INPP4B: variants seen among roughly 807,000 people sequenced by gnomAD.
INPP4B encodes the protein inositol polyphosphate 4-phosphatase type II.
Under a neutral mutation model 122.5 loss-of-function variants are expected in INPP4B, and 55 were observed. The ratio of observed to expected loss-of-function variants is 0.45; its 90% CI spans 0.36 to 0.56. The LOEUF (loss-of-function observed/expected upper bound fraction) is 0.56. Ranked by LOEUF, INPP4B falls within the 20% of genes least tolerant of loss-of-function variation. The probability of loss-of-function intolerance (pLI) is 0.00; values close to 1 mark genes in which losing one functional copy is unlikely to be tolerated. For synonymous variants in INPP4B, 403 were observed against 388.7 expected (o/e 1.04, Z -0.43); for missense variants, 1,000 against 1,097.7 (o/e 0.91, Z 1.26).
At chr4:142,035,383 C>T (rs868218792) in intron 25 of INPP4B, among the ~76,000 whole-genome samples, 5 of 152,070 alleles carry the variant, frequency 3.3e-5, no homozygotes, top group Non-Finnish European at 5.9e-5. Context: ...TGCTGTGAGC[C>T]GAGATATTTT....
At chr4:142,321,612 C>A (rs1179944112) in intron 7 of INPP4B, among the ~76,000 whole-genome samples, 1 of 152,060 alleles carries the variant, frequency 6.6e-6, no homozygotes, top group Non-Finnish European at 1.5e-5. Context: ...TGTATGAGGT[C>A]AGAGATAAGG....
At chr4:142,512,407 T>C (rs1824842907) in intron 2 of INPP4B, among the ~76,000 whole-genome samples, 1 of 152,160 alleles carries the variant, frequency 6.6e-6, no homozygotes, top group Admixed American at 6.6e-5. Flanking sequence ...ACTAAAACAT[T>C]AGTAATACAT....
chr4:142,413,222 T>C (rs1310184787), intron 5 of INPP4B, among the ~76,000 whole-genome samples: 1 of 152,144 alleles, frequency 6.6e-6, no homozygotes, highest in Non-Finnish European at 1.5e-5. Context: ...TAAAAATTAA[T>C]GTCCCAAATT....
intron 12 of INPP4B, among the ~76,000 whole-genome samples, chr4:142,228,190 T>C (rs1043323989): frequency 6.6e-6 from 1 of 151,936 alleles, no homozygotes; most frequent in Admixed American, 6.6e-5. Flanking sequence ...CAGCATGCAG[T>C]CCATGCAGGA....
chr4:142,580,163 A>C (rs1734765489), intron 2 of INPP4B, among the ~76,000 whole-genome samples: 1 of 151,580 alleles, frequency 6.6e-6, no homozygotes, highest in Non-Finnish European at 1.5e-5. Flanking sequence ...GTGGTTAAGA[A>C]AGTAGGCCCC....
intron 2 of INPP4B, among the ~76,000 whole-genome samples, chr4:142,518,449 A>G (rs1825684636): frequency 2.6e-5 from 4 of 152,276 alleles, no homozygotes; most frequent in Admixed American, 6.5e-5. Context: ...TATAATTAAG[A>G]TACAGCAGTT....
At chr4:142,239,032 G>A (rs1857944207) in intron 11 of INPP4B, among the ~76,000 whole-genome samples, 1 of 152,060 alleles carries the variant, frequency 6.6e-6, no homozygotes, top group Non-Finnish European at 1.5e-5. Flanking sequence ...ACTGAACATG[G>A]TATGTCGGCT....
chr4:142,554,470 A>C (rs936451578), intron 2 of INPP4B, among the ~76,000 whole-genome samples: 1 of 151,960 alleles, frequency 6.6e-6, no homozygotes, highest in African/African-American at 2.4e-5. Flanking sequence ...AACTCTGCTC[A>C]TGTCACACCC....
chr4:142,337,809 T>G (rs1166125470), intron 7 of INPP4B, among the ~76,000 whole-genome samples: 1 of 134,578 alleles, frequency 7.4e-6, no homozygotes, highest in Admixed American at 7.5e-5. Context: ...GAATCTTAGT[T>G]CTTTGCAATT....
intron 9 of INPP4B, 66 bp from the exon 10 acceptor site, chr4:142,270,840 C>T: frequency 9.4e-7 from 1 of 1,060,908 alleles, no homozygotes. Flanking sequence ...ATATCCAAAA[C>T]ACATTTGTTT....
At chr4:142,122,094 A>G in intron 21 of INPP4B, 34 bp downstream of exon 21, 1 of 1,374,132 alleles carries the variant, frequency 7.3e-7, no homozygotes, top group East Asian at 2.4e-5. Flanking sequence ...CATGTCTAAC[A>G]AAGCCTGGTC....
At chr4:142,674,463 AAT>A (rs1389687972) in intron 2 of INPP4B, among the ~76,000 whole-genome samples, 1 of 152,002 alleles carries the variant, frequency 6.6e-6, no homozygotes, top group Admixed American at 6.6e-5. Flanking sequence ...TAACATTAAA[AAT>A]ATATGCCATT....
chr4:142,242,718 C>G (rs143259392), intron 11 of INPP4B, among the ~76,000 whole-genome samples: 284 of 152,280 alleles, frequency 1.9e-3, no homozygotes, highest in Middle Eastern at 6.8e-3. Flanking sequence ...GCTCAGCTAT[C>G]GCCTCCTCCA....
intron 21 of INPP4B, among the ~76,000 whole-genome samples, chr4:142,119,299 T>C (rs1300677134): frequency 6.6e-6 from 1 of 152,188 alleles, no homozygotes. Context: ...TTACTGGGTA[T>C]GTACCCAAAG....
intron 2 of INPP4B, among the ~76,000 whole-genome samples, chr4:142,665,724 G>A (rs1335834339): frequency 6.6e-6 from 1 of 151,892 alleles, no homozygotes; most frequent in Admixed American, 6.6e-5. Context: ...AAAAAATTCA[G>A]ATTTTATTAA....
At chr4:142,482,267 C>A (rs768717208) in intron 2 of INPP4B, among the ~76,000 whole-genome samples, 28 of 152,160 alleles carry the variant, frequency 1.8e-4, no homozygotes, top group Non-Finnish European at 4.0e-4. Context: ...AAACTACCTT[C>A]CTTTATTGCT....
chr4:142,086,040 C>T (rs1561066969), intron 24 of INPP4B, 104 bp downstream of exon 24: 1 of 744,066 alleles, frequency 1.3e-6, no homozygotes, highest in Admixed American at 2.5e-5. Context: ...AAGATGACAC[C>T]TGGCAACCCA....
At chr4:142,603,402 A>AT (rs1276296284) in intron 2 of INPP4B, among the ~76,000 whole-genome samples, 14 of 151,976 alleles carry the variant, frequency 9.2e-5, no homozygotes, top group Non-Finnish European at 1.6e-4. Context: ...TGAAAAAAAG[A>AT]AAAAAAATAC....
chr4:142,062,833 G>A (rs1215626195), intron 25 of INPP4B, among the ~76,000 whole-genome samples: 2 of 152,128 alleles, frequency 1.3e-5, no homozygotes, highest in African/African-American at 4.8e-5. Context: ...ATAAGACACT[G>A]TGAAGTTCTG....
Sources: allele counts gnomAD v4.1 joint callset (sites outside exome capture counted in the v4.1 genomes callset), GRCh38; gene constraint gnomAD v4.1.1; transcripts MANE v1.5; gene names NCBI Gene and HGNC (gene_info 2026-07-23, HGNC 2026-07-21).